Variants in CASZ1 observed in about 807,000 individuals in gnomAD.
CASZ1 encodes zinc finger protein castor homolog 1.
A neutral mutation model predicts 135.2 loss-of-function variants in CASZ1; 28 were observed. The observed-to-expected ratio is 0.21, with a 90% confidence interval of 0.15 to 0.28. The LOEUF (loss-of-function observed/expected upper bound fraction) is 0.28, where lower values mean the gene tolerates loss of function less well. CASZ1 is among the 10% of genes least tolerant of loss of function. The pLI is 1.00. For synonymous variants in CASZ1, 1,068 were observed against 1,073.4 expected, an observed-to-expected ratio of 0.99 and a Z score of 0.10; for missense variants, 2,161 against 2,453.3, an observed-to-expected ratio of 0.88 and a Z score of 2.52.
chr1:10,768,055 G>C (rs180723689), intron 1 of CASZ1, among the ~76,000 whole-genome samples: 1 of 152,228 alleles, frequency 6.6e-6, no homozygotes, highest in Non-Finnish European at 1.5e-5. Flanking sequence ...CACAAGGAGC[G>C]GGAGGCCTGC....
intron 5 of CASZ1, among the ~76,000 whole-genome samples, chr1:10,661,938 T>G (rs546747373): frequency 6.8e-6 from 1 of 147,876 alleles, no homozygotes; most frequent in African/African-American, 2.5e-5. Context: ...CACAGTCGCA[T>G]GCACTCATAC....
intron 1 of CASZ1, among the ~76,000 whole-genome samples, chr1:10,782,317 C>T (rs1399628064): frequency 6.6e-6 from 1 of 152,188 alleles, no homozygotes; most frequent in Non-Finnish European, 1.5e-5. Flanking sequence ...GGTGTGGACA[C>T]TGTGGAATGG....
chr1:10,722,927 T>C (rs1639528231), intron 2 of CASZ1, among the ~76,000 whole-genome samples: 1 of 152,182 alleles, frequency 6.6e-6, no homozygotes, highest in South Asian at 2.1e-4. Flanking sequence ...TTGGAAGCCT[T>C]CCGGGAAGAG....
chr1:10,693,827 CG>C (rs1638843197), intron 4 of CASZ1, 46 bp downstream of exon 4: 1 of 1,578,510 alleles, frequency 6.3e-7, no homozygotes, highest in African/African-American at 1.4e-5. Flanking sequence ...GTAAAAGAAG[CG>C]AAAGAAAAGT....
intron 4 of CASZ1, among the ~76,000 whole-genome samples, chr1:10,688,638 C>T (rs546284670): frequency 2.2e-4 from 34 of 152,314 alleles, no homozygotes; most frequent in African/African-American, 7.7e-4. Flanking sequence ...TCCTCATTTC[C>T]GTCCCTCTTG....
rs150897555 is a variant in CASZ1, at chr1:10,714,033, G to A, written c.-76-8489C>T. ...GTTAAGAAACAAGCTCTTGCCAGGC[G>A]TGGTGGCTCACACCTGTAATCCCAG... On this transcript the variant is annotated intron_variant, in intron 2 of 20. Coordinates refer to ENST00000377022, the MANE Select transcript of CASZ1 (RefSeq NM_001079843.3). Among the ~76,000 whole-genome samples the A allele has an allele frequency of 6.3e-3, 955 of 152,316 alleles. 7 individuals carry two copies. Among genetic ancestry groups the A allele is most frequent in the African/African-American group, 0.021 (872 of 41,584 alleles).
In CASZ1 at chr1:10,648,013, G is replaced by A. The variant is rs1298198432; in HGVS notation, c.3285C>T (p.Ala1095=). The change falls in exon 16 of 21, where the codon GCC becomes GCT. Residue 1095 remains alanine, a synonymous_variant. Coordinates refer to ENST00000377022, the MANE Select transcript of CASZ1 (RefSeq NM_001079843.3). ...CGGGCCCCTCCAGAGAGGACACCGT[G>A]GCCGTGGTGACAGGAGGGACCGGAG... is the stretch of plus-strand genomic sequence containing the variant. ...SSPPVPPVTT[A]TVSSLEGPAP... The A allele has an allele frequency of 1.2e-6, 2 of 1,601,672 alleles. No homozygotes were observed. The highest frequency in any genetic ancestry group is 2.7e-5 in the African/African-American group (2 of 74,698).
At chr1:10,687,885 C>G (rs1316362709) in intron 4 of CASZ1, among the ~76,000 whole-genome samples, 1 of 152,220 alleles carries the variant, frequency 6.6e-6, no homozygotes, top group African/African-American at 2.4e-5. Context: ...ATCCCAGCCT[C>G]GCTCCTTCCT....
rs1217101419 is a variant in CASZ1, at chr1:10,694,997, AC to A, written c.-23-1086del. On this transcript the variant is annotated intron_variant, in intron 3 of 20. Coordinates refer to ENST00000377022, the MANE Select transcript of CASZ1 (RefSeq NM_001079843.3). The surrounding 1 kb of genome is among the most constrained non-coding windows in gnomAD (Gnocchi z 6.6). The stretch of plus-strand genomic sequence containing the variant: ...CCCCACGACCCGCGCGGCCGCGCTA[AC>A]TTTTCCGCGAGGGCGGGCGCAGGTG... Among the ~76,000 whole-genome samples the A allele has an allele frequency of 6.9e-6, 1 of 145,884 alleles. No individual in the cohort carries two copies. The highest frequency in any genetic ancestry group is 1.5e-5 in the Non-Finnish European group (1 of 66,122).
At chr1:10,710,955 AC>A (rs1319352399) in intron 2 of CASZ1, among the ~76,000 whole-genome samples, 1 of 152,212 alleles carries the variant, frequency 6.6e-6, no homozygotes, top group African/African-American at 2.4e-5. Context: ...ATATGGTGAA[AC>A]CCTGTCTCTA....
rs1352503165 is a variant in CASZ1, at chr1:10,716,858, CT to C, written c.-76-11315del. Among the ~76,000 whole-genome samples the C allele has an allele frequency of 2.6e-5, 4 of 152,242 alleles. No homozygotes were observed. In the East Asian group the frequency reaches 7.7e-4, roughly 29 times the overall value. ...CTTTCTCAAGCCTTCCCCTCTCCAG[CT>C]TCCTTAGCCACATTGTACAGAGCGG... On this transcript the variant is annotated intron_variant, in intron 2 of 20. Coordinates refer to ENST00000377022, the MANE Select transcript of CASZ1 (RefSeq NM_001079843.3).
At chr1:10,661,579 C>T (rs975106915) in intron 5 of CASZ1, among the ~76,000 whole-genome samples, 4 of 151,092 alleles carry the variant, frequency 2.6e-5, no homozygotes, top group Admixed American at 2.6e-4. Flanking sequence ...CATGCATTCT[C>T]AAACACACAC....
Position 10,762,740 on chromosome 1 carries a change from A to G in CASZ1, c.-233-1883T>C, listed in dbSNP as rs1456860330. On this transcript the variant is annotated intron_variant, in intron 1 of 20. Coordinates refer to ENST00000377022, the MANE Select transcript of CASZ1 (RefSeq NM_001079843.3). The surrounding 1 kb of genome is among the most constrained non-coding windows in gnomAD (Gnocchi z 4.1). Reference sequence around the variant, plus strand: ...TGTAAAACAGACATGTACATTCCCCAGAAAAAAGGTTAAGGGAAACACATC... The same window carrying G: ...TGTAAAACAGACATGTACATTCCCCGGAAAAAAGGTTAAGGGAAACACATC... 6.6e-6 allele frequency among the ~76,000 whole-genome samples: 1 copy of G among 152,166 alleles called. No individual in the cohort carries two copies. The highest frequency in any genetic ancestry group is 1.5e-5 in the Non-Finnish European group (1 of 68,024).
Position 10,651,090 on chromosome 1 carries a change from G to A in CASZ1, c.2681-14C>T, listed in dbSNP as rs1294793683. 4 of 1,493,288 alleles carry A rather than the reference G, an allele frequency of 2.7e-6. No individual in the cohort carries two copies. In the East Asian group the frequency reaches 7.1e-5, roughly 27 times the overall value. The allele number at this position is 1,493,288 out of a possible 1,614,324, so 92.5% of individuals were successfully genotyped here. On this transcript the variant is annotated splice_polypyrimidine_tract_variant and intron_variant, in intron 11 of 20. Transcript: ENST00000377022. ...GCTGCCCGCTTCCTGCAGGGGAGGG[G>A]TGGGAAGATGCGTCAGAGGGGCTGA...
chr1:10,718,191 C>T lies in CASZ1; in HGVS notation c.-76-12647G>A, dbSNP rs138886415. On this transcript the variant is annotated intron_variant, in intron 2 of 20. Transcript: ENST00000377022. ...TGCTAAGTGAGAGATGTTCCTCCCC[C>T]GACTGGTTCGCAGTCTCCCCTTCCG... Among the ~76,000 whole-genome samples, 12 of 152,252 alleles carry T rather than the reference C, an allele frequency of 7.9e-5. No individual in the cohort carries two copies. In the East Asian group the frequency reaches 1.4e-3, roughly 17 times the overall value.
chr1:10,794,215 C>T lies in CASZ1; in HGVS notation c.-234+2349G>A, dbSNP rs1641019708. 6.6e-6 allele frequency among the ~76,000 whole-genome samples: 1 copy of T among 150,410 alleles called. No individual in the cohort carries two copies. The highest frequency in any genetic ancestry group is 2.4e-5 in the African/African-American group (1 of 40,820). On this transcript the variant is annotated intron_variant, in intron 1 of 20. Coordinates refer to ENST00000377022, the MANE Select transcript of CASZ1 (RefSeq NM_001079843.3). The surrounding 1 kb of genome is among the most constrained non-coding windows in gnomAD (Gnocchi z 5.6). ...TGTGTGTGTGCGCGCGCGCGCGCGT[C>T]GTGGGTTGGGCGGGGGGACACCAAG... is the stretch of plus-strand genomic sequence containing the variant.
At chr1:10,704,166 G>T (rs1044663014) in intron 3 of CASZ1, 2 of 152,306 alleles carry the variant, frequency 1.3e-5, no homozygotes, top group Non-Finnish European at 2.9e-5. Flanking sequence ...ATCCTGAGGA[G>T]CCTTCCACGG....
In CASZ1 at chr1:10,660,454, C is replaced by T. The variant is rs145053067; in HGVS notation, c.588G>A (p.Thr196=). ...TGATCTTCCTGGCCAGCTCGTCCCG[C>T]GTGTTCTGGTCATCATAGCCAAACA... ...LGMFGYDDQN[T]RDELARKISF... is the part of the protein sequence containing the mutation. Residue 196 remains threonine (T), a synonymous_variant, in exon 6 of 21, where the codon ACG becomes ACA. Coordinates refer to ENST00000377022, the MANE Select transcript of CASZ1 (RefSeq NM_001079843.3). 17 of 1,614,160 alleles carry T rather than the reference C, an allele frequency of 1.1e-5. No homozygotes were observed. The highest frequency in any genetic ancestry group is 1.3e-5 in the African/African-American group (1 of 75,062).
intron 5 of CASZ1, among the ~76,000 whole-genome samples, chr1:10,662,582 TCACA>T (rs757319807): frequency 8.8e-5 from 13 of 147,556 alleles, no homozygotes; most frequent in East Asian, 6.0e-4. Context: ...GTGCTCACAA[TCACA>T]CACACAATCA....
Sources: allele counts gnomAD v4.1 joint callset (sites outside exome capture counted in the v4.1 genomes callset), GRCh38; gene constraint gnomAD v4.1.1; non-coding constraint Gnocchi (gnomAD v3.1); transcripts MANE v1.5; gene names NCBI Gene and HGNC (gene_info 2026-07-23, HGNC 2026-07-21).